The following SYNE1 variants were observed in gnomAD, a reference collection of about 807,000 sequenced individuals.
The protein encoded by SYNE1 is spectrin repeat containing nuclear envelope protein 1.
Under a neutral mutation model 1,111.0 loss-of-function variants are expected in SYNE1, and 616 were observed. The observed-to-expected ratio is 0.55, with a 90% CI of 0.52 to 0.59. SYNE1 has a LOEUF of 0.59. Ranked by LOEUF, SYNE1 falls within the 20% of genes least tolerant of loss-of-function variation. The pLI, the probability that SYNE1 is intolerant of heterozygous loss-of-function variation, is 0.00. For synonymous variants in SYNE1, 3,855 were observed against 3,825.8 expected (o/e 1.01, Z -0.28); for missense variants, 10,006 against 10,417.0 (o/e 0.96, Z 1.72).
At chr6:152,125,897 T>C (rs996937222) in intron 145 of SYNE1, 1 of 152,288 alleles carries the variant, frequency 6.6e-6, no homozygotes, top group Non-Finnish European at 1.5e-5. Context: ...TCATAAATCA[T>C]GACAGCCAAA....
chr6:152,466,135 A>G, intron 16 of SYNE1, 57 bp from the exon 17 acceptor site: 2 of 1,157,596 alleles, frequency 1.7e-6, no homozygotes, highest in East Asian at 2.4e-5. Context: ...TAGAATGCCA[A>G]AGTCAATTTT....
chr6:152,236,996 A>G, intron 108 of SYNE1, 48 bp from the exon 109 acceptor site: 1 of 1,607,770 alleles, frequency 6.2e-7, no homozygotes, highest in Non-Finnish European at 8.5e-7. Context: ...CTCATTAGCG[A>G]AAGACATTCT....
intron 133 of SYNE1, 67 bp from the exon 134 acceptor site, chr6:152,152,208 T>C: frequency 7.1e-7 from 1 of 1,414,578 alleles, no homozygotes; most frequent in Non-Finnish European, 9.9e-7. Context: ...GGCTCCTGGT[T>C]TTCTTATTGT....
intron 130 of SYNE1, among the ~76,000 whole-genome samples, chr6:152,171,018 T>C (rs185733278): frequency 6.6e-6 from 1 of 152,192 alleles, no homozygotes; most frequent in African/African-American, 2.4e-5. Flanking sequence ...TGCCACCATG[T>C]AAGATGTGCC....
intron 14 of SYNE1, chr6:152,481,486 C>G (rs1013538150): frequency 2.5e-6 from 1 of 397,468 alleles, no homozygotes; most frequent in South Asian, 1.9e-5. Context: ...ACACTAGAAT[C>G]CTAATCCCCA....
At chr6:152,411,102 T>C (rs2098028599) in intron 42 of SYNE1, among the ~76,000 whole-genome samples, 1 of 152,200 alleles carries the variant, frequency 6.6e-6, no homozygotes, top group Non-Finnish European at 1.5e-5. Context: ...ATGTAAAATA[T>C]ATGTTGAGGG....
chr6:152,451,294 C>G (rs1295464193), intron 25 of SYNE1, 89 bp from the exon 26 acceptor site: 1 of 1,356,320 alleles, frequency 7.4e-7, no homozygotes, highest in Non-Finnish European at 1.0e-6. Context: ...AAAACAAAAA[C>G]CATAACATAT....
rs761071366 is a variant in SYNE1 at position 152,376,535 on chromosome 6, C to T, written c.9170G>A (p.Gly3057Asp). 1.2e-6 allele frequency: 2 copies of T among 1,613,880 alleles called. No individual in the cohort carries two copies. The highest frequency in any genetic ancestry group is 1.3e-5 in the African/African-American group (1 of 74,890). ...TAAAATCTGTTCTTTATTCTGGCAGCCCTTGGATGCTTGCAAACAAAGACT... is the reference window on the plus strand; with the variant it reads ...TAAAATCTGTTCTTTATTCTGGCAGTCCTTGGATGCTTGCAAACAAAGACT... ...YNCLCLQASK[G>D]CQNKEQILQQ... is the part of the protein sequence containing the mutation. Residue 3057 changes from glycine to aspartate, a missense_variant, in exon 58 of 146, where the codon GGC (glycine) becomes GAC (aspartate). This residue lies in a region of SYNE1 where 4,955 missense variants were observed against 5,017.2 expected (regional missense o/e 0.99). Transcript: ENST00000367255.
chr6:152,578,886 G>C (rs372940405), intron 3 of SYNE1, among the ~76,000 whole-genome samples: 157 of 151,518 alleles, frequency 1.0e-3, no homozygotes, highest in African/African-American at 3.5e-3. Context: ...TTGTTTCCAG[G>C]TTATTTATTT....
intron 33 of SYNE1, chr6:152,435,016 A>G (rs1173146260): frequency 1.3e-5 from 2 of 152,180 alleles, no homozygotes; most frequent in African/African-American, 4.8e-5. Context: ...CTGTTTTACT[A>G]TTTCCATAAC....
At chr6:152,625,590 G>C (rs2099684122) in intron 3 of SYNE1, among the ~76,000 whole-genome samples, 1 of 152,032 alleles carries the variant, frequency 6.6e-6, no homozygotes, top group Non-Finnish European at 1.5e-5. Flanking sequence ...GAATTTTCAG[G>C]CTTACTCTTC....
intron 127 of SYNE1, among the ~76,000 whole-genome samples, chr6:152,191,782 T>C (rs1202532529): frequency 6.6e-6 from 1 of 152,156 alleles, no homozygotes; most frequent in Non-Finnish European, 1.5e-5. Flanking sequence ...TTTCTTCTAC[T>C]AACTTTGAGT....
At chr6:152,410,273 T>C (rs1015948868) in intron 42 of SYNE1, 3 of 153,188 alleles carry the variant, frequency 2.0e-5, no homozygotes, top group African/African-American at 7.2e-5. Flanking sequence ...AAAAATAAGG[T>C]AGTCTGCAAT....
At chr6:152,561,948 A>T (rs930120283) in intron 3 of SYNE1, among the ~76,000 whole-genome samples, 3 of 152,238 alleles carry the variant, frequency 2.0e-5, no homozygotes, top group Non-Finnish European at 4.4e-5. Context: ...TCCTGAAATC[A>T]TAAATGTACT....
At position 152,353,296 on chromosome 6, in the gene SYNE1, T is replaced by A; in HGVS notation, c.11220A>T (p.Thr3740=). ...NVATKIDKVD[T]VMMGKKLKTL... ...TCTTCAATTTCTTCCCCATCATTAC[T>A]GTATCTACTTTGTCAATCTTGGTAG... is the stretch of plus-strand genomic sequence containing the variant. Residue 3740 remains threonine (T), a synonymous_variant, in exon 69 of 146, where the codon ACA becomes ACT. Coordinates refer to ENST00000367255, the MANE Select transcript of SYNE1 (RefSeq NM_182961.4). The A allele has an allele frequency of 8.7e-6, 14 of 1,614,224 alleles. No homozygotes were observed. Among genetic ancestry groups the A allele is most frequent in the Non-Finnish European group, 1.1e-5 (13 of 1,180,040 alleles).
At position 152,321,313 on chromosome 6, in the gene SYNE1, A is replaced by T; in HGVS notation, c.16161T>A (p.Gly5387=). The T allele has an allele frequency of 6.2e-7, 1 of 1,613,890 alleles. No individual in the cohort carries two copies. The highest frequency in any genetic ancestry group is 8.5e-7 in the Non-Finnish European group (1 of 1,179,908). ...GTTCAGAAGGTAATATGGTATAAAG[A>T]CCTAAGTACTTCTCCTTCTGTTCTT... ...MAEEQKEKYL[G]LYTILPSELS... Residue 5387 remains glycine, a synonymous_variant, in exon 84 of 146, where the codon GGT becomes GGA. Transcript: ENST00000367255.
chr6:152,367,029 A>G, intron 62 of SYNE1, 189 bp downstream of exon 62: 1 of 745,774 alleles, frequency 1.3e-6, no homozygotes, highest in Non-Finnish European at 2.4e-6. Flanking sequence ...TTTTTGGAAA[A>G]CATCCGGGGT....
intron 69 of SYNE1, among the ~76,000 whole-genome samples, chr6:152,353,038 T>C (rs2096769475): frequency 6.6e-6 from 1 of 152,226 alleles, no homozygotes; most frequent in Non-Finnish European, 1.5e-5. Context: ...AAGACTTTCA[T>C]GGGTGTCCAT....
At chr6:152,308,840 G>T (rs2095461107) in intron 90 of SYNE1, among the ~76,000 whole-genome samples, 1 of 152,120 alleles carries the variant, frequency 6.6e-6, no homozygotes. Context: ...ATTATTGATG[G>T]AATCAAAATA....
Sources: allele counts gnomAD v4.1 joint callset (sites outside exome capture counted in the v4.1 genomes callset), GRCh38; gene constraint gnomAD v4.1.1; regional missense constraint gnomAD v4.1.1; transcripts MANE v1.5; gene names NCBI Gene and HGNC (gene_info 2026-07-23, HGNC 2026-07-21).